The following GFRA2 variants were observed in gnomAD, a reference collection of about 807,000 sequenced individuals.
GFRA2 encodes the protein GDNF family receptor alpha 2.
Under a neutral mutation model 48.3 loss-of-function variants are expected in GFRA2, and 17 were observed. The ratio of observed to expected loss-of-function variants is 0.35; its 90% CI spans 0.24 to 0.53. The LOEUF (loss-of-function observed/expected upper bound fraction) is 0.53. Among genes scored for constraint, GFRA2 ranks in the 20% least tolerant of loss-of-function variants. The pLI is 0.93. For missense variants in GFRA2, 660 were observed against 637.3 expected, an observed-to-expected ratio of 1.04 and a Z score of -0.38; for synonymous variants, 305 against 257.2, an observed-to-expected ratio of 1.19 and a Z score of -1.78.
chr8:21,705,143 T>C lies in GFRA2; in HGVS notation c.905-18A>G, dbSNP rs1802677594. 3 of 1,602,050 alleles carry C rather than the reference T, an allele frequency of 1.9e-6. No homozygotes were observed. Among genetic ancestry groups the C allele is most frequent in the African/African-American group, 1.3e-5 (1 of 74,540 alleles). On this transcript the variant is annotated intron_variant, in intron 5 of 8. Coordinates refer to ENST00000524240, the MANE Select transcript of GFRA2 (RefSeq NM_001495.5). ...GTCAAACCCTGGGCAGGAAGAAAGG[T>C]GGGGGAGAGGAGAGAGGTACGGTGG...
chr8:21,787,273 A>AGGT (rs1585344097), intron 1 of GFRA2, among the ~76,000 whole-genome samples: 1 of 51,806 alleles, frequency 1.9e-5, no homozygotes, highest in African/African-American at 9.3e-5. Context: ...CGGGGGGGGC[A>AGGT]GTGGGGGGGG....
rs139448369 is a variant in GFRA2 at position 21,717,632 on chromosome 8, C to T, written c.795-11591G>A. ...AAGCCTTCTGTTAGAGAAAATGTTACGGGTTCTGGAAGCCTCAGCAAATTC... is the reference window on the plus strand; with the variant it reads ...AAGCCTTCTGTTAGAGAAAATGTTATGGGTTCTGGAAGCCTCAGCAAATTC... On this transcript the variant is annotated intron_variant, in intron 4 of 8. Transcript: ENST00000524240. Among the ~76,000 whole-genome samples the T allele has an allele frequency of 8.6e-3, 1,310 of 152,258 alleles. 20 individuals are homozygous for T. The highest frequency in any genetic ancestry group is 0.029 in the African/African-American group (1,206 of 41,544).
intron 4 of GFRA2, among the ~76,000 whole-genome samples, chr8:21,741,067 C>A (rs1804722508): frequency 6.6e-6 from 1 of 152,244 alleles, no homozygotes; most frequent in African/African-American, 2.4e-5. Context: ...CCTTAATTCT[C>A]CACACAGCAG....
At chr8:21,727,465 C>T (rs115904372) in intron 4 of GFRA2, among the ~76,000 whole-genome samples, 2,346 of 152,332 alleles carry the variant, frequency 0.015, 61 homozygotes, top group African/African-American at 0.053. Context: ...CTCCTCCAAG[C>T]GCTCTGCCAG....
At chr8:21,795,305 G>A (rs1381645710) in intron 2 of GFRA2, among the ~76,000 whole-genome samples, 4 of 151,982 alleles carry the variant, frequency 2.6e-5, no homozygotes, top group Admixed American at 1.3e-4. Flanking sequence ...GGAGGGGGGC[G>A]TGAGAGAATT....
chr8:21,749,679 T>TTATA (rs144510198), intron 4 of GFRA2, among the ~76,000 whole-genome samples: 1 of 151,680 alleles, frequency 6.6e-6, no homozygotes, highest in African/African-American at 2.4e-5. Flanking sequence ...AAAGTCCCTT[T>TTATA]TATATATATA....
chr8:21,759,465 G>C (rs1585307885), intron 3 of GFRA2, among the ~76,000 whole-genome samples: 1 of 113,842 alleles, frequency 8.8e-6, no homozygotes, highest in African/African-American at 3.6e-5. Flanking sequence ...AGGGAGGGAG[G>C]GAGGGAGGGA....
chr8:21,772,813 T>C lies in GFRA2; in HGVS notation c.439+2159A>G, dbSNP rs966989679. On this transcript the variant is annotated intron_variant, in intron 3 of 8. Coordinates refer to ENST00000524240, the MANE Select transcript of GFRA2 (RefSeq NM_001495.5). ...TGTCAAGTCCATTAGGTAAAGATTTTCTGCTAGGAAGATACTTAAGCATGA... is the reference window on the plus strand; with the variant it reads ...TGTCAAGTCCATTAGGTAAAGATTTCCTGCTAGGAAGATACTTAAGCATGA... 3.3e-5 allele frequency among the ~76,000 whole-genome samples: 5 copies of C among 152,350 alleles called. No homozygotes were observed. The East Asian group carries it at 9.6e-4, about 29-fold the overall frequency.
At chr8:21,800,350 A>C (rs1243460753) in intron 2 of GFRA2, among the ~76,000 whole-genome samples, 1 of 152,262 alleles carries the variant, frequency 6.6e-6, no homozygotes, top group Non-Finnish European at 1.5e-5. Context: ...ACCACGAAAA[A>C]GGAATTTGAA....
intron 1 of GFRA2, among the ~76,000 whole-genome samples, chr8:21,783,917 C>G (rs949189035): frequency 6.6e-6 from 1 of 151,980 alleles, no homozygotes; most frequent in Non-Finnish European, 1.5e-5. Context: ...TCTCTCTCAG[C>G]TCCTCTCTTT....
intron 2 of GFRA2, among the ~76,000 whole-genome samples, chr8:21,776,565 G>C (rs1352723906): frequency 6.6e-6 from 1 of 151,364 alleles, no homozygotes; most frequent in Admixed American, 6.6e-5. Flanking sequence ...CTATCTCCTG[G>C]GTTCAAGCGA....
chr8:21,777,945 C>G (rs998119944), intron 2 of GFRA2, among the ~76,000 whole-genome samples: 2 of 152,176 alleles, frequency 1.3e-5, no homozygotes, highest in Non-Finnish European at 2.9e-5. Context: ...CCATGTCTTG[C>G]GGTCACATTC....
At chr8:21,788,068 G>A in intron 1 of GFRA2, 52 bp downstream of exon 1, 2 of 148,930 alleles carry the variant, frequency 1.3e-5, no homozygotes, top group African/African-American at 9.0e-5. Context: ...CTCGCCCCCC[G>A]CCTCCCCGGC....
At chr8:21,719,289 A>G (rs1803483629) in intron 4 of GFRA2, among the ~76,000 whole-genome samples, 1 of 152,132 alleles carries the variant, frequency 6.6e-6, no homozygotes. Flanking sequence ...CACAGGGCCC[A>G]GAGATGGGAG....
intron 1 of GFRA2, among the ~76,000 whole-genome samples, chr8:21,810,742 T>C (rs184676046): frequency 3.3e-4 from 50 of 152,210 alleles, no homozygotes; most frequent in African/African-American, 1.1e-3. Context: ...AAAAAGGAGT[T>C]GGTGCAGGCT....
Position 21,692,307 on chromosome 8 carries a change from G to C in GFRA2, c.*971C>G, listed in dbSNP as rs993894117. On this transcript the variant is annotated 3_prime_UTR_variant, in exon 9 of 9. Transcript: ENST00000524240. ...ACATATATGTTAGGAGAGGAGCCCCGGTATGTACATACAGTTGACGTACGT... is the reference window on the plus strand; with the variant it reads ...ACATATATGTTAGGAGAGGAGCCCCCGTATGTACATACAGTTGACGTACGT... The C allele has an allele frequency of 1.3e-5, 2 of 152,002 alleles. No individual in the cohort carries two copies. Among genetic ancestry groups the C allele is most frequent in the Non-Finnish European group, 1.5e-5 (1 of 67,998 alleles). The allele number at this position is 152,002 out of a possible 1,614,324, so 9.4% of individuals were successfully genotyped here.
chr8:21,701,749 G>A (rs994397392), intron 7 of GFRA2, among the ~76,000 whole-genome samples: 2 of 152,190 alleles, frequency 1.3e-5, no homozygotes, highest in African/African-American at 4.8e-5. Flanking sequence ...CCGATGGTGA[G>A]ACTGCACAAA....
At position 21,722,896 on chromosome 8, in the gene GFRA2, T is replaced by C. The variant is rs376698563; in HGVS notation, c.795-16855A>G. ...TGCACCAGGGCTGGTTACACAGAGC[T>C]ACAGTCTTGCAATGAATCACCTCCC... On this transcript the variant is annotated intron_variant, in intron 4 of 8. Coordinates refer to ENST00000524240, the MANE Select transcript of GFRA2 (RefSeq NM_001495.5). Among the ~76,000 whole-genome samples the C allele has an allele frequency of 1.4e-4, 22 of 152,282 alleles. No homozygotes were observed. The South Asian group carries it at 4.2e-3, about 29-fold the overall frequency.
chr8:21,788,228 A>G lies in GFRA2; in HGVS notation c.-69T>C. On this transcript the variant is annotated 5_prime_UTR_variant, in exon 1 of 9. Transcript: ENST00000524240. ...AAAAAAAATAATAGTAGTAACAACA[A>G]CAATAATAATAGGCAAGCAGTGGTA... The G allele has an allele frequency of 6.3e-7, 1 of 1,581,346 alleles. No individual in the cohort carries two copies. The highest frequency in any genetic ancestry group is 1.2e-5 in the South Asian group (1 of 85,776).
Sources: allele counts gnomAD v4.1 joint callset (sites outside exome capture counted in the v4.1 genomes callset), GRCh38; gene constraint gnomAD v4.1.1; transcripts MANE v1.5; gene names NCBI Gene and HGNC (gene_info 2026-07-23, HGNC 2026-07-21).